The following SEMA3C variants were observed in gnomAD, a reference collection of about 807,000 sequenced individuals.
The protein encoded by SEMA3C is semaphorin-3C.
A neutral mutation model predicts 89.4 loss-of-function variants in SEMA3C; 47 were observed. That is an observed-to-expected ratio of 0.53 (90% CI 0.42 to 0.67). SEMA3C has a LOEUF of 0.67. Among genes scored for constraint, SEMA3C ranks in the 30% least tolerant of loss-of-function variants. The probability of loss-of-function intolerance (pLI) is 0.00; values close to 1 mark genes in which losing one functional copy is unlikely to be tolerated. For missense variants in SEMA3C, 839 were observed against 929.1 expected, an observed-to-expected ratio of 0.90 and a Z score of 1.26; for synonymous variants, 310 against 320.2, an observed-to-expected ratio of 0.97 and a Z score of 0.34.
intron 2 of SEMA3C, among the ~76,000 whole-genome samples, chr7:80,876,578 T>C (rs1224515319): frequency 1.3e-5 from 2 of 152,242 alleles, no homozygotes; most frequent in Non-Finnish European, 2.9e-5. Flanking sequence ...CAAGTTGTAG[T>C]AAAACATTTG....
chr7:80,881,817 T>C (rs987449177), intron 2 of SEMA3C, among the ~76,000 whole-genome samples: 1 of 152,128 alleles, frequency 6.6e-6, no homozygotes, highest in African/African-American at 2.4e-5. Context: ...GGGGAAAATA[T>C]CAAGCCACAT....
At chr7:80,847,677 T>C (rs746143073) in intron 2 of SEMA3C, among the ~76,000 whole-genome samples, 3 of 152,148 alleles carry the variant, frequency 2.0e-5, no homozygotes, top group Non-Finnish European at 4.4e-5. Context: ...ACAATATAAT[T>C]TGTCAGCAAA....
chr7:80,752,230 CTT>C (rs1787952100), intron 15 of SEMA3C, among the ~76,000 whole-genome samples: 1 of 152,120 alleles, frequency 6.6e-6, no homozygotes, highest in Admixed American at 6.5e-5. Flanking sequence ...CAAAATATCT[CTT>C]ATGGATTTAA....
intron 2 of SEMA3C, among the ~76,000 whole-genome samples, chr7:80,899,534 C>G (rs936500690): frequency 2.6e-5 from 4 of 152,072 alleles, no homozygotes; most frequent in African/African-American, 9.7e-5. Flanking sequence ...CTGCCTTGAT[C>G]AATACCACCC....
intron 15 of SEMA3C, among the ~76,000 whole-genome samples, chr7:80,757,604 T>C (rs1788093027): frequency 6.6e-6 from 1 of 152,214 alleles, no homozygotes; most frequent in Non-Finnish European, 1.5e-5. Context: ...ATTGTATCCT[T>C]GTTTACAAGA....
chr7:80,778,884 T>C (rs1363088557), intron 12 of SEMA3C, among the ~76,000 whole-genome samples: 1 of 152,210 alleles, frequency 6.6e-6, no homozygotes, highest in Non-Finnish European at 1.5e-5. Flanking sequence ...CTGTTACTTG[T>C]ATGATCACTC....
At chr7:80,763,126 T>TA (rs770495837) in intron 13 of SEMA3C, among the ~76,000 whole-genome samples, 18 of 152,304 alleles carry the variant, frequency 1.2e-4, no homozygotes, top group East Asian at 3.9e-4. Flanking sequence ...TCAGCGGAAC[T>TA]AGACTTATTG....
intron 2 of SEMA3C, among the ~76,000 whole-genome samples, chr7:80,883,463 A>C (rs1791399689): frequency 6.6e-6 from 1 of 152,236 alleles, no homozygotes. Flanking sequence ...CTGAATTATC[A>C]AACAAAACTA....
At chr7:80,881,524 T>A (rs969195860) in intron 2 of SEMA3C, among the ~76,000 whole-genome samples, 2 of 152,176 alleles carry the variant, frequency 1.3e-5, no homozygotes, top group Non-Finnish European at 2.9e-5. Context: ...CTGGCATCAC[T>A]GGAGGGGTGT....
chr7:80,781,808 A>G (rs1038262937), intron 12 of SEMA3C, among the ~76,000 whole-genome samples: 4 of 152,164 alleles, frequency 2.6e-5, no homozygotes, highest in Non-Finnish European at 5.9e-5. Context: ...AATAGGGGCA[A>G]CACTCAGGGA....
At chr7:80,852,262 T>C (rs1015856664) in intron 2 of SEMA3C, among the ~76,000 whole-genome samples, 1 of 150,252 alleles carries the variant, frequency 6.7e-6, no homozygotes, top group Non-Finnish European at 1.5e-5. Flanking sequence ...CTGCTACTTG[T>C]AGCAGCTTCA....
intron 17 of SEMA3C, 75 bp downstream of exon 17, chr7:80,748,823 G>C: frequency 7.0e-7 from 1 of 1,429,398 alleles, no homozygotes; most frequent in Admixed American, 2.4e-5. Context: ...CCTTTGATCT[G>C]AGCCTCGCTG....
intron 2 of SEMA3C, among the ~76,000 whole-genome samples, chr7:80,902,854 A>G (rs565463244): frequency 2.0e-5 from 3 of 152,286 alleles, no homozygotes; most frequent in Non-Finnish European, 2.9e-5. Context: ...ACTGCCAGCC[A>G]TTAGCCCATG....
rs114921734 is a variant in SEMA3C, at chr7:80,852,084, G to C, written c.104-23339C>G. On this transcript the variant is annotated intron_variant, in intron 2 of 17. Coordinates refer to ENST00000265361, the MANE Select transcript of SEMA3C (RefSeq NM_006379.5). The stretch of plus-strand genomic sequence containing the variant: ...CAGGCTGCTAATGCAAACAATGACA[G>C]AGTGTTGCCACAGATGAGGCATTTC... Among the ~76,000 whole-genome samples, 228 of 152,276 alleles carry C rather than the reference G, an allele frequency of 1.5e-3. 1 individual carries two copies. The highest frequency in any genetic ancestry group is 5.1e-3 in the African/African-American group (213 of 41,552).
chr7:80,872,923 GAAAAAAAAAA>G (rs758696880), intron 2 of SEMA3C, among the ~76,000 whole-genome samples: 2 of 79,642 alleles, frequency 2.5e-5, no homozygotes, highest in Non-Finnish European at 5.4e-5. Context: ...GAATGAGAGT[GAAAAAAAAAA>G]AAAAAAAAAA....
intron 12 of SEMA3C, among the ~76,000 whole-genome samples, chr7:80,779,718 CTT>C (rs1181473360): frequency 1.3e-5 from 2 of 152,146 alleles, no homozygotes; most frequent in African/African-American, 4.8e-5. Context: ...AACTCCTCCT[CTT>C]GAGTGCAGGT....
At chr7:80,908,629 C>A (rs1037942295) in intron 2 of SEMA3C, among the ~76,000 whole-genome samples, 5 of 152,154 alleles carry the variant, frequency 3.3e-5, no homozygotes, top group Non-Finnish European at 7.3e-5. Flanking sequence ...GCCCCATTGA[C>A]TCCCTTTACA....
At chr7:80,788,044 A>G (rs1205837405) in intron 12 of SEMA3C, among the ~76,000 whole-genome samples, 1 of 152,220 alleles carries the variant, frequency 6.6e-6, no homozygotes, top group Non-Finnish European at 1.5e-5. Flanking sequence ...GGTTTTCAAG[A>G]ATAAAAAAAG....
At chr7:80,831,164 A>G (rs1229781622) in intron 2 of SEMA3C, among the ~76,000 whole-genome samples, 2 of 152,238 alleles carry the variant, frequency 1.3e-5, no homozygotes, top group African/African-American at 4.8e-5. Flanking sequence ...TGACATACAC[A>G]GACTAGCGCA....
Sources: gnomAD v4.1 joint callset for allele counts (sites outside exome capture counted in the v4.1 genomes callset) on GRCh38, gnomAD v4.1.1 for gene constraint, MANE v1.5 for transcripts, NCBI Gene and HGNC (gene_info 2026-07-23, HGNC 2026-07-21) for gene names.